The following IL7R variants were observed in gnomAD, a reference collection of about 807,000 sequenced individuals.
IL7R encodes interleukin-7 receptor subunit alpha.
A neutral mutation model predicts 47.0 loss-of-function variants in IL7R; 38 were observed. That is an observed-to-expected ratio of 0.81 (90% CI 0.62 to 1.06). The LOEUF (loss-of-function observed/expected upper bound fraction) is 1.06, where lower values mean the gene tolerates loss of function less well. IL7R is among the 50% of genes least tolerant of loss of function. The probability of loss-of-function intolerance (pLI) is 0.00; values close to 1 mark genes in which losing one functional copy is unlikely to be tolerated. For missense variants in IL7R, 633 were observed against 534.8 expected (o/e 1.18, Z -1.81); for synonymous variants, 221 against 199.8 (o/e 1.11, Z -0.89).
intron 2 of IL7R, among the ~76,000 whole-genome samples, chr5:35,862,629 G>A (rs1217695961): frequency 6.6e-6 from 1 of 152,016 alleles, no homozygotes; most frequent in Non-Finnish European, 1.5e-5. Flanking sequence ...AGGATGCCCA[G>A]TTTCACAAGA....
At position 35,877,772 on chromosome 5, in the gene IL7R, C is replaced by G. The variant is rs185636216; in HGVS notation, c.*1286C>G. On this transcript the variant is annotated 3_prime_UTR_variant, in exon 8 of 8. Coordinates refer to ENST00000303115, the MANE Select transcript of IL7R (RefSeq NM_002185.5). Reference sequence around the variant, plus strand: ...CGTATTATTAATGCTTGACATATATCATCTTGCCTTTCTTGGTCTAGACTG... The same window carrying G: ...CGTATTATTAATGCTTGACATATATGATCTTGCCTTTCTTGGTCTAGACTG... 1 of 233,272 alleles carries G rather than the reference C, an allele frequency of 4.3e-6. No individual in the cohort carries two copies. Among genetic ancestry groups the G allele is most frequent in the East Asian group, 6.0e-5 (1 of 16,594 alleles). 14.5% of individuals were successfully genotyped at this position (233,272 alleles called of 1,614,324 possible). A position where few individuals can be genotyped will look rare whatever the true frequency, so the allele number is the denominator to read the frequency against.
At position 35,877,328 on chromosome 5, in the gene IL7R, G is replaced by A; in HGVS notation, c.*842G>A. The A allele has an allele frequency of 4.3e-6, 1 of 233,224 alleles. No individual in the cohort carries two copies. Among genetic ancestry groups the A allele is most frequent in the Non-Finnish European group, 8.5e-6 (1 of 118,006 alleles). 14.4% of individuals were successfully genotyped at this position (233,224 alleles called of 1,614,324 possible). On this transcript the variant is annotated 3_prime_UTR_variant, in exon 8 of 8. Coordinates refer to ENST00000303115, the MANE Select transcript of IL7R (RefSeq NM_002185.5). The stretch of plus-strand genomic sequence containing the variant: ...AAGAAAGAGGGGGAGAAACAGTCTT[G>A]CGGGTGTGAAGTCCCATGACCAGCC...
rs1338180098 is a variant in IL7R, at chr5:35,878,526, A to G, written c.*2040A>G. 4.3e-6 allele frequency: 1 copy of G among 232,898 alleles called. No individual in the cohort carries two copies. The highest frequency in any genetic ancestry group is 8.5e-6 in the Non-Finnish European group (1 of 117,812). 14.4% of individuals were successfully genotyped at this position (232,898 alleles called of 1,614,324 possible). On this transcript the variant is annotated 3_prime_UTR_variant, in exon 8 of 8. Transcript: ENST00000303115. Reference sequence around the variant, plus strand: ...TGCCACAAAAATGATGTAAATTTACATGGAGGAAAAGTAGAATCTGCCTGG... The same window carrying G: ...TGCCACAAAAATGATGTAAATTTACGTGGAGGAAAAGTAGAATCTGCCTGG...
chr5:35,875,061 C>T (rs1760169872), intron 6 of IL7R, among the ~76,000 whole-genome samples: 1 of 152,196 alleles, frequency 6.6e-6, no homozygotes, highest in Non-Finnish European at 1.5e-5. Flanking sequence ...AAGTACTAAG[C>T]AATTTCCCTG....
rs548642157 is a variant in IL7R at position 35,873,142 on chromosome 5, T to C, written c.538-338T>C. On this transcript the variant is annotated intron_variant, in intron 4 of 7. Coordinates refer to ENST00000303115, the MANE Select transcript of IL7R (RefSeq NM_002185.5). ...ATGATTCCTGCTCACTAACCTAACCTAACCTTTCATCTCCCCTTAATATGT... is the reference window on the plus strand; with the variant it reads ...ATGATTCCTGCTCACTAACCTAACCCAACCTTTCATCTCCCCTTAATATGT... 2.3e-4 allele frequency: 75 copies of C among 321,648 alleles called. No individual in the cohort carries two copies. In the South Asian group the frequency reaches 2.4e-3, roughly 10 times the overall value. The allele number at this position is 321,648 out of a possible 1,614,324, so 19.9% of individuals were successfully genotyped here. A position where few individuals can be genotyped will look rare whatever the true frequency, so the allele number is the denominator to read the frequency against.
intron 3 of IL7R, among the ~76,000 whole-genome samples, chr5:35,868,590 T>C (rs1326782529): frequency 6.6e-6 from 1 of 152,318 alleles, no homozygotes; most frequent in Non-Finnish European, 1.5e-5. Context: ...AGGGTATCTC[T>C]GAGGTTATAA....
intron 3 of IL7R, among the ~76,000 whole-genome samples, chr5:35,868,680 A>G (rs1332171224): frequency 2.0e-5 from 3 of 152,146 alleles, no homozygotes; most frequent in Non-Finnish European, 4.4e-5. Context: ...TTACATTGCA[A>G]ATATACATTC....
chr5:35,869,906 A>G (rs990017246), intron 3 of IL7R, among the ~76,000 whole-genome samples: 5 of 152,184 alleles, frequency 3.3e-5, no homozygotes, highest in African/African-American at 1.2e-4. Flanking sequence ...CAGTACCTCT[A>G]AGGCAAAGCA....
chr5:35,870,996 A>G (rs1204757179), intron 3 of IL7R, 60 bp from the exon 4 acceptor site: 2 of 1,465,884 alleles, frequency 1.4e-6, no homozygotes, highest in African/African-American at 2.8e-5. Context: ...TGAATTTTAA[A>G]TACTATAATT....
At chr5:35,875,364 G>T (rs770715993) in intron 6 of IL7R, 148 bp from the exon 7 acceptor site, 2 of 709,080 alleles carry the variant, frequency 2.8e-6, no homozygotes, top group Admixed American at 4.0e-5. Flanking sequence ...GAGAAAGCCA[G>T]TCTCTTGACC....
In IL7R at chr5:35,867,335, A is replaced by G. The variant is rs1759963721; in HGVS notation, c.251A>G (p.Asn84Ser). 1 of 1,613,796 alleles carries G rather than the reference A, an allele frequency of 6.2e-7. No individual in the cohort carries two copies. The highest frequency in any genetic ancestry group is 8.5e-7 in the Non-Finnish European group (1 of 1,179,756). ...CGALVEVKCL[N>S]FRKLQEIYFI... is the part of the protein sequence containing the mutation. ...GCCCTCGTGGAGGTAAAGTGCCTGA[A>G]TTTCAGGAAACTACAAGAGATATAT... Residue 84 changes from asparagine to serine, a missense_variant, in exon 3 of 8, where the codon AAT (asparagine) becomes AGT (serine). By Grantham distance (46) the Asn-to-Ser change is conservative. Coordinates refer to ENST00000303115, the MANE Select transcript of IL7R (RefSeq NM_002185.5).
intron 6 of IL7R, 92 bp downstream of exon 6, chr5:35,874,634 G>A: frequency 1.0e-6 from 1 of 967,884 alleles, no homozygotes; most frequent in Non-Finnish European, 1.7e-6. Context: ...AACCACAAAG[G>A]GGATTAAGGC....
In IL7R at chr5:35,876,172, A is replaced by G. The variant is rs3194051; in HGVS notation, c.1066A>G (p.Ile356Val). 414,023 of 1,613,732 alleles carry G rather than the reference A, an allele frequency of 0.26. 55,069 individuals carry two copies. Among genetic ancestry groups the G allele is most frequent in the African/African-American group, 0.34 (25,619 of 74,900 alleles). The change falls in exon 8 of 8, where the codon ATC becomes GTC. Residue 356 changes from isoleucine (I) to valine (V), a missense_variant. By Grantham distance (29) the Ile-to-Val change is conservative. Coordinates refer to ENST00000303115, the MANE Select transcript of IL7R (RefSeq NM_002185.5). Reference sequence around the variant, plus strand: ...CAACTGCCCATCTGAGGATGTAGTCATCACTCCAGAAAGCTTTGGAAGAGA... The same window carrying G: ...CAACTGCCCATCTGAGGATGTAGTCGTCACTCCAGAAAGCTTTGGAAGAGA... ...SPNCPSEDVV[I>V]TPESFGRDSS...
At chr5:35,869,932 C>T (rs932471957) in intron 3 of IL7R, among the ~76,000 whole-genome samples, 2 of 152,168 alleles carry the variant, frequency 1.3e-5, no homozygotes, top group African/African-American at 4.8e-5. Context: ...AACAGGCAGT[C>T]ACCACTACGA....
chr5:35,871,964 T>C (rs745488926), intron 4 of IL7R, among the ~76,000 whole-genome samples: 1 of 152,192 alleles, frequency 6.6e-6, no homozygotes, highest in Non-Finnish European at 1.5e-5. Flanking sequence ...CAGGCCAAGA[T>C]TGGCCTTGTT....
intron 2 of IL7R, among the ~76,000 whole-genome samples, chr5:35,863,514 T>A (rs1354397082): frequency 3.3e-5 from 5 of 152,174 alleles, no homozygotes; most frequent in Non-Finnish European, 7.4e-5. Flanking sequence ...CCAACACACA[T>A]TGTGGGTTGT....
chr5:35,876,597 C>T lies in IL7R; in HGVS notation c.*111C>T. On this transcript the variant is annotated 3_prime_UTR_variant, in exon 8 of 8. Coordinates refer to ENST00000303115, the MANE Select transcript of IL7R (RefSeq NM_002185.5). ...ACAGAGAAGACAAAATTAGCAAAAC[C>T]CCACTACACAGTCTGCAAGATTCTG... 8.9e-7 allele frequency: 1 copy of T among 1,128,022 alleles called. No individual in the cohort carries two copies. The highest frequency in any genetic ancestry group is 1.3e-6 in the Non-Finnish European group (1 of 766,872). The allele number at this position is 1,128,022 out of a possible 1,614,324, so 69.9% of individuals were successfully genotyped here.
intron 4 of IL7R, among the ~76,000 whole-genome samples, chr5:35,872,696 T>C (rs931983570): frequency 1.2e-4 from 19 of 152,076 alleles, no homozygotes; most frequent in Non-Finnish European, 1.5e-5. Flanking sequence ...AAAGAAAGGA[T>C]TGAGACATGC....
chr5:35,858,193 A>G (rs11567696), intron 1 of IL7R, among the ~76,000 whole-genome samples: 1,967 of 152,258 alleles, frequency 0.013, 48 homozygotes, highest in African/African-American at 0.045. Flanking sequence ...ATATATAAGA[A>G]TGCTAGTTGA....
Sources: allele counts gnomAD v4.1 joint callset (sites outside exome capture counted in the v4.1 genomes callset), GRCh38; gene constraint gnomAD v4.1.1; transcripts MANE v1.5; gene names NCBI Gene and HGNC (gene_info 2026-07-23, HGNC 2026-07-21).